SLC35H1: variants seen among roughly 807,000 people sequenced by gnomAD.
SLC35H1 encodes the protein solute carrier family 35 member H1.
the SLC35H1 span, chr20:46,352,844 AG>A: frequency 6.5e-6 from 1 of 154,200 alleles, no homozygotes; most frequent in Non-Finnish European, 1.4e-5. Flanking sequence ...GGTGAAGTAG[AG>A]GGGGGTGGCC....
At chr20:46,349,416 C>T in the SLC35H1 span, 17 of 152,382 alleles carry the variant, frequency 1.1e-4, no homozygotes, top group South Asian at 6.2e-4. Flanking sequence ...GTGGATGTCA[C>T]GTGCAGCACG....
the SLC35H1 span, chr20:46,354,742 G>T: frequency 2.8e-6 from 2 of 722,228 alleles, no homozygotes; most frequent in Non-Finnish European, 4.6e-6. Flanking sequence ...TATCATGCTG[G>T]ACCCCAAACC....
the SLC35H1 span, chr20:46,348,377 G>A: frequency 3.3e-5 from 5 of 152,216 alleles, no homozygotes; most frequent in Admixed American, 1.3e-4. Context: ...CTGAGCCAGC[G>A]GGGCTCTGGC....
chr20:46,360,134 A>G, the SLC35H1 span, among the ~76,000 whole-genome samples: 4 of 152,212 alleles, frequency 2.6e-5, no homozygotes, highest in Non-Finnish European at 4.4e-5. Context: ...TATAGGTGAA[A>G]GATTAGCTTA....
chr20:46,350,528 G>T, the SLC35H1 span: 1 of 1,582,370 alleles, frequency 6.3e-7, no homozygotes, highest in Non-Finnish European at 8.6e-7. Context: ...CCATCACCTT[G>T]GGATAGAGAG....
chr20:46,356,132 G>A, the SLC35H1 span, among the ~76,000 whole-genome samples: 3 of 152,178 alleles, frequency 2.0e-5, no homozygotes, highest in Non-Finnish European at 4.4e-5. Context: ...GCCCAGGAGC[G>A]GGAAGGAAGG....
the SLC35H1 span, chr20:46,356,435 C>T: frequency 7.5e-5 from 60 of 800,618 alleles, no homozygotes; most frequent in Non-Finnish European, 1.2e-4. Context: ...CTGCTGGGTG[C>T]CAGGGAGAGG....
the SLC35H1 span, chr20:46,350,445 C>G: frequency 6.2e-7 from 1 of 1,613,694 alleles, no homozygotes; most frequent in Non-Finnish European, 8.5e-7. Context: ...TGTCACCTTC[C>G]TCCCGCTGGC....
At chr20:46,360,259 G>A in the SLC35H1 span, among the ~76,000 whole-genome samples, 1 of 152,232 alleles carries the variant, frequency 6.6e-6, no homozygotes, top group South Asian at 2.1e-4. Flanking sequence ...ACAATGAAGG[G>A]AGACTGAAAA....
chr20:46,352,036 C>T, the SLC35H1 span: 2,441 of 1,612,970 alleles, frequency 1.5e-3, 4 homozygotes, highest in Non-Finnish European at 1.9e-3. Flanking sequence ...ACTGGCATCA[C>T]GCCCGAGTCT....
At chr20:46,348,197 C>G in the SLC35H1 span, 1 of 152,256 alleles carries the variant, frequency 6.6e-6, no homozygotes, top group Non-Finnish European at 1.5e-5. Context: ...GGGAGCCCTC[C>G]TTTAGGTTCA....
At chr20:46,363,764 G>A in the SLC35H1 span, among the ~76,000 whole-genome samples, 1 of 152,186 alleles carries the variant, frequency 6.6e-6, no homozygotes, top group East Asian at 1.9e-4. Context: ...GATGGCACAC[G>A]AAACAGATCA....
chr20:46,350,532 T>G, the SLC35H1 span: 304 of 1,582,738 alleles, frequency 1.9e-4, no homozygotes, highest in Non-Finnish European at 2.5e-4. Context: ...CACCTTGGGA[T>G]AGAGAGAGAC....
the SLC35H1 span, among the ~76,000 whole-genome samples, chr20:46,363,530 T>C: frequency 6.6e-6 from 1 of 152,244 alleles, no homozygotes; most frequent in African/African-American, 2.4e-5. Context: ...CAAAAATCTA[T>C]GATGAAGTCA....
chr20:46,362,104 C>T, the SLC35H1 span, among the ~76,000 whole-genome samples: 1 of 152,286 alleles, frequency 6.6e-6, no homozygotes, highest in East Asian at 1.9e-4. Flanking sequence ...AGAAGGTCAC[C>T]TATGCCCAAA....
At chr20:46,356,509 C>CA in the SLC35H1 span, 1 of 1,553,682 alleles carries the variant, frequency 6.4e-7, no homozygotes, top group Non-Finnish European at 8.9e-7. Context: ...GGTGTGCAGA[C>CA]ACCCCGCTGG....
the SLC35H1 span, among the ~76,000 whole-genome samples, chr20:46,351,799 T>G: frequency 6.6e-6 from 1 of 152,202 alleles, no homozygotes; most frequent in Admixed American, 6.5e-5. Context: ...TGCTGTGCCC[T>G]TGGGGAGGGG....
chr20:46,355,345 G>A, the SLC35H1 span: 1 of 1,310,418 alleles, frequency 7.6e-7, no homozygotes, highest in Non-Finnish European at 1.0e-6. This position sits in a 1 kb window ranked among gnomAD's most constrained non-coding sequence, Gnocchi z 4.8. Flanking sequence ...TGCCCCTGGG[G>A]CAAGAAATCC....
At chr20:46,356,517 TG>T in the SLC35H1 span, 1 of 1,588,350 alleles carries the variant, frequency 6.3e-7, no homozygotes, top group Non-Finnish European at 8.6e-7. Flanking sequence ...GACACCCCGC[TG>T]GACAGACAGA....
Sources: gnomAD v4.1 joint callset for allele counts (sites outside exome capture counted in the v4.1 genomes callset) on GRCh38, gnomAD v4.1.1 for gene constraint, Gnocchi (gnomAD v3.1) non-coding constraint, MANE v1.5 for transcripts, NCBI Gene and HGNC (gene_info 2026-07-23, HGNC 2026-07-21) for gene names.